Variants in SLC35F1 observed in about 807,000 individuals in gnomAD.
SLC35F1 encodes chromosome 6 open reading frame 169.
A neutral mutation model predicts 48.7 loss-of-function variants in SLC35F1; 14 were observed. The ratio of observed to expected loss-of-function variants is 0.29; its 90% CI spans 0.19 to 0.45. The LOEUF is 0.45. Among genes scored for constraint, SLC35F1 ranks in the 20% least tolerant of loss-of-function variants. The pLI is 1.00. For synonymous variants in SLC35F1, 190 were observed against 202.2 expected (o/e 0.94, Z 0.51); for missense variants, 404 against 500.0 (o/e 0.81, Z 1.83).
chr6:117,992,649 A>G (rs1003141174), intron 1 of SLC35F1, among the ~76,000 whole-genome samples: 2 of 152,214 alleles, frequency 1.3e-5, no homozygotes, highest in Admixed American at 6.5e-5. Flanking sequence ...AATACTTCCT[A>G]TTCAGCTCCA....
chr6:118,189,448 A>T (rs1191673230), intron 2 of SLC35F1, among the ~76,000 whole-genome samples: 1 of 152,170 alleles, frequency 6.6e-6, no homozygotes, highest in Non-Finnish European at 1.5e-5. Context: ...GCCCATTTTT[A>T]AAATCAGATT....
chr6:118,272,765 G>GTA (rs61131467), intron 4 of SLC35F1, among the ~76,000 whole-genome samples: 55,124 of 132,952 alleles, frequency 0.41, 11,331 homozygotes, highest in Non-Finnish European at 0.49. Context: ...ATATATATAT[G>GTA]TATATATATA....
intron 1 of SLC35F1, among the ~76,000 whole-genome samples, chr6:118,147,787 T>A (rs1279119322): frequency 1.3e-5 from 2 of 152,182 alleles, no homozygotes; most frequent in Non-Finnish European, 2.9e-5. Context: ...TTTAAAGCAC[T>A]TCCTTGCGTC....
chr6:118,209,041 G>A (rs775843149), intron 2 of SLC35F1, among the ~76,000 whole-genome samples: 14 of 152,106 alleles, frequency 9.2e-5, no homozygotes, highest in Non-Finnish European at 1.8e-4. Flanking sequence ...ATTCCAAGGG[G>A]TCCTGCCCCA....
chr6:118,007,936 C>T (rs758252753), intron 1 of SLC35F1, among the ~76,000 whole-genome samples: 5 of 152,126 alleles, frequency 3.3e-5, no homozygotes, highest in African/African-American at 7.2e-5. Flanking sequence ...TGCAGCCATA[C>T]GACTCACATC....
chr6:117,946,236 C>T (rs916455556), intron 1 of SLC35F1, among the ~76,000 whole-genome samples: 1 of 152,208 alleles, frequency 6.6e-6, no homozygotes. Flanking sequence ...AATGGGTTTG[C>T]ACCTACTCCC....
intron 7 of SLC35F1, among the ~76,000 whole-genome samples, chr6:118,311,282 A>T (rs1319580725): frequency 6.6e-6 from 1 of 152,190 alleles, no homozygotes; most frequent in South Asian, 2.1e-4. Context: ...AAGGCACTGC[A>T]TTATCTAGTT....
chr6:118,005,180 A>G (rs1450331504), intron 1 of SLC35F1, among the ~76,000 whole-genome samples: 1 of 152,134 alleles, frequency 6.6e-6, no homozygotes, highest in Non-Finnish European at 1.5e-5. Context: ...ATGTGTTCAG[A>G]GGTCCCCTGG....
chr6:118,135,067 G>A (rs1282680442), intron 1 of SLC35F1, among the ~76,000 whole-genome samples: 2 of 152,298 alleles, frequency 1.3e-5, no homozygotes, highest in Non-Finnish European at 1.5e-5. Context: ...ATGGGCTTAT[G>A]AGTAAAACAT....
At chr6:118,144,587 TA>T (rs59175140) in intron 1 of SLC35F1, among the ~76,000 whole-genome samples, 287 of 137,906 alleles carry the variant, frequency 2.1e-3, no homozygotes, top group Middle Eastern at 3.7e-3. Flanking sequence ...TCCCAGAACT[TA>T]AAAAAAAAAA....
intron 7 of SLC35F1, among the ~76,000 whole-genome samples, chr6:118,306,485 T>C (rs1389456713): frequency 2.0e-5 from 3 of 152,252 alleles, no homozygotes; most frequent in African/African-American, 7.2e-5. Flanking sequence ...GCCCAGCATG[T>C]ACCTCTGTGT....
At chr6:118,025,413 C>G (rs1356539094) in intron 1 of SLC35F1, among the ~76,000 whole-genome samples, 1 of 152,106 alleles carries the variant, frequency 6.6e-6, no homozygotes, top group Admixed American at 6.5e-5. Flanking sequence ...AACTCATCGT[C>G]GTTGATACTA....
chr6:118,068,005 G>A (rs940702721), intron 1 of SLC35F1, among the ~76,000 whole-genome samples: 18 of 152,140 alleles, frequency 1.2e-4, no homozygotes, highest in African/African-American at 1.9e-4. Context: ...GGAGGCAGGC[G>A]GTGCTGGTGC....
intron 1 of SLC35F1, among the ~76,000 whole-genome samples, chr6:118,090,842 G>A (rs1223417192): frequency 1.3e-5 from 2 of 152,130 alleles, no homozygotes; most frequent in African/African-American, 4.8e-5. Context: ...CAATGGGGGG[G>A]CATAAGTGGA....
chr6:118,083,372 A>G (rs1354264815), intron 1 of SLC35F1, among the ~76,000 whole-genome samples: 1 of 152,242 alleles, frequency 6.6e-6, no homozygotes. Context: ...CTATCCCAAT[A>G]TATTTGTATG....
intron 2 of SLC35F1, among the ~76,000 whole-genome samples, chr6:118,190,359 C>G (rs1774715446): frequency 1.3e-5 from 2 of 151,988 alleles, no homozygotes; most frequent in Admixed American, 6.5e-5. Context: ...TTAGCACGAG[C>G]AACTCCATTT....
chr6:117,997,839 A>G (rs1226349417), intron 1 of SLC35F1, among the ~76,000 whole-genome samples: 2 of 152,212 alleles, frequency 1.3e-5, no homozygotes, highest in African/African-American at 2.4e-5. Context: ...TGTAAAGACC[A>G]TCAAGGCTAG....
intron 1 of SLC35F1, among the ~76,000 whole-genome samples, chr6:118,003,841 C>A (rs1777139660): frequency 6.6e-6 from 1 of 151,824 alleles, no homozygotes; most frequent in African/African-American, 2.4e-5. Context: ...ATGAGGAAAG[C>A]AAAATCAAAA....
intron 1 of SLC35F1, among the ~76,000 whole-genome samples, chr6:118,147,876 C>A (rs1201738782): frequency 1.3e-5 from 2 of 152,158 alleles, no homozygotes; most frequent in Non-Finnish European, 2.9e-5. Flanking sequence ...TCCATGAATG[C>A]AGAATGTGAG....
Sources: gnomAD v4.1 joint callset for allele counts (sites outside exome capture counted in the v4.1 genomes callset) on GRCh38, gnomAD v4.1.1 for gene constraint, MANE v1.5 for transcripts, NCBI Gene and HGNC (gene_info 2026-07-23, HGNC 2026-07-21) for gene names.